Variants in ANO3 observed in about 807,000 individuals in gnomAD.
ANO3 encodes the protein anoctamin 3, also known as anoctamin-3.
In ANO3, 99 loss-of-function variants were observed where a neutral mutation model predicts 144.8. The observed-to-expected ratio is 0.68, with a 90% CI of 0.58 to 0.81. The LOEUF (loss-of-function observed/expected upper bound fraction) is 0.81, where lower values mean the gene tolerates loss of function less well. Among genes scored for constraint, ANO3 ranks in the 30% least tolerant of loss-of-function variants. The pLI, the probability that ANO3 is intolerant of heterozygous loss-of-function variation, is 0.00. For missense variants in ANO3, 905 were observed against 1,202.2 expected (o/e 0.75, Z 3.66); for synonymous variants, 414 against 392.6 (o/e 1.05, Z -0.64).
chr11:26,458,968 C>G (rs1859268134), intron 3 of ANO3, among the ~76,000 whole-genome samples: 1 of 152,030 alleles, frequency 6.6e-6, no homozygotes, highest in South Asian at 2.1e-4. Context: ...AGAGGGAGAA[C>G]TATGGAGACT....
intron 1 of ANO3, among the ~76,000 whole-genome samples, chr11:26,413,106 C>A (rs1857477039): frequency 6.6e-6 from 1 of 151,902 alleles, no homozygotes; most frequent in African/African-American, 2.4e-5. Context: ...CTTACCTCAT[C>A]CTGTAATCCC....
chr11:26,258,507 C>T (rs1159622481), intron 1 of ANO3, among the ~76,000 whole-genome samples: 4 of 152,156 alleles, frequency 2.6e-5, no homozygotes, highest in African/African-American at 9.6e-5. Context: ...TAACTGGAAG[C>T]TGGATTACAG....
chr11:26,646,747 A>G (rs1853357576), intron 23 of ANO3, among the ~76,000 whole-genome samples: 1 of 152,114 alleles, frequency 6.6e-6, no homozygotes, highest in African/African-American at 2.4e-5. Context: ...TTTGTATACT[A>G]GGCATGTTAA....
chr11:26,264,988 G>A (rs1853276474), intron 1 of ANO3, among the ~76,000 whole-genome samples: 2 of 152,026 alleles, frequency 1.3e-5, no homozygotes, highest in Admixed American at 6.5e-5. Flanking sequence ...ATATATTGAA[G>A]TTGGTGGTTT....
At chr11:26,443,952 C>A in intron 3 of ANO3, 116 bp downstream of exon 3, 3 of 619,706 alleles carry the variant, frequency 4.8e-6, no homozygotes, top group South Asian at 2.6e-5. Flanking sequence ...TGGTTTTTAA[C>A]GTAATAGGTG....
chr11:26,325,040 C>T (rs1200494419), intron 1 of ANO3, among the ~76,000 whole-genome samples: 2 of 152,144 alleles, frequency 1.3e-5, no homozygotes, highest in African/African-American at 2.4e-5. Context: ...CTAGAGTTAA[C>T]ATGCAAACTT....
chr11:26,572,228 G>C, intron 14 of ANO3: 1 of 985,402 alleles, frequency 1.0e-6, no homozygotes, highest in Non-Finnish European at 1.2e-6. Context: ...AGAGCGCCCA[G>C]GAACCTGACT....
chr11:26,338,029 A>C (rs2045705), intron 1 of ANO3, among the ~76,000 whole-genome samples: 35,012 of 151,704 alleles, frequency 0.23, 4,204 homozygotes, highest in South Asian at 0.37. Flanking sequence ...CCCTGTCACC[A>C]CCTCTGTGCC....
At chr11:26,568,724 A>G (rs1252200238) in intron 14 of ANO3, among the ~76,000 whole-genome samples, 1 of 152,070 alleles carries the variant, frequency 6.6e-6, no homozygotes. Context: ...TGGCACCTGT[A>G]GTTGACCAAT....
chr11:26,267,060 C>G (rs1004472562), intron 1 of ANO3, among the ~76,000 whole-genome samples: 1 of 150,668 alleles, frequency 6.6e-6, no homozygotes, highest in South Asian at 2.1e-4. Flanking sequence ...CCACTGCACT[C>G]TAGCCTGGGT....
At chr11:26,268,675 T>G (rs1853368597) in intron 1 of ANO3, among the ~76,000 whole-genome samples, 1 of 152,282 alleles carries the variant, frequency 6.6e-6, no homozygotes, top group East Asian at 1.9e-4. Context: ...GTTTACCATC[T>G]CTGATATCAG....
chr11:26,545,200 T>G (rs1849756222), intron 11 of ANO3, among the ~76,000 whole-genome samples: 1 of 152,044 alleles, frequency 6.6e-6, no homozygotes, highest in Non-Finnish European at 1.5e-5. Flanking sequence ...TTGCTTCCTA[T>G]CTGTAGTGAG....
upstream of ANO3, among the ~76,000 whole-genome samples, chr11:26,330,635 T>C (rs1380187887): frequency 5.3e-5 from 8 of 152,184 alleles, no homozygotes; most frequent in Non-Finnish European, 5.9e-5. Flanking sequence ...GAGAGATAAC[T>C]GCCTGTCTGA....
upstream of ANO3, among the ~76,000 whole-genome samples, chr11:26,307,268 C>T (rs140109618): frequency 3.7e-3 from 568 of 152,250 alleles, 2 homozygotes; most frequent in African/African-American, 0.013. Context: ...GCAGGAGAAT[C>T]GCTTCAACCC....
At chr11:26,589,641 T>C (rs1304025870) in intron 14 of ANO3, among the ~76,000 whole-genome samples, 2 of 139,768 alleles carry the variant, frequency 1.4e-5, no homozygotes, top group Non-Finnish European at 3.3e-5. Flanking sequence ...ATCTATTTCC[T>C]GACTGTGGAT....
At chr11:26,624,977 G>A (rs1852534055) in intron 18 of ANO3, among the ~76,000 whole-genome samples, 1 of 151,088 alleles carries the variant, frequency 6.6e-6, no homozygotes, top group Non-Finnish European at 1.5e-5. Context: ...AGTGGAGTGC[G>A]GTGGTGACGC....
At chr11:26,450,351 C>T (rs1858881860) in intron 3 of ANO3, among the ~76,000 whole-genome samples, 2 of 152,130 alleles carry the variant, frequency 1.3e-5, no homozygotes, top group Non-Finnish European at 2.9e-5. Context: ...GTTCATTGAG[C>T]ACAGCTCTGT....
At chr11:26,460,422 G>C (rs1299112124) in intron 3 of ANO3, among the ~76,000 whole-genome samples, 7 of 45,622 alleles carry the variant, frequency 1.5e-4, no homozygotes, top group East Asian at 8.3e-4. Context: ...AGAAGAAAGG[G>C]GGGGGGGCGG....
intron 5 of ANO3, among the ~76,000 whole-genome samples, chr11:26,513,089 A>C (rs1345440321): frequency 6.6e-6 from 1 of 152,196 alleles, no homozygotes; most frequent in East Asian, 1.9e-4. Flanking sequence ...GGGTATAAGA[A>C]AGATAAGGCA....
Sources: gnomAD v4.1 joint callset for allele counts (sites outside exome capture counted in the v4.1 genomes callset) on GRCh38, gnomAD v4.1.1 for gene constraint, MANE v1.5 for transcripts, NCBI Gene and HGNC (gene_info 2026-07-23, HGNC 2026-07-21) for gene names.